Variants in TMEM67 observed in about 807,000 individuals in gnomAD.
TMEM67 encodes transmembrane protein 67.
TMEM67 carries 124 observed loss-of-function variants against 136.6 expected under a neutral mutation model. The ratio of observed to expected loss-of-function variants is 0.91; its 90% CI spans 0.78 to 1.05. The LOEUF (loss-of-function observed/expected upper bound fraction) is 1.05. TMEM67 is among the 50% of genes least tolerant of loss of function. The pLI, the probability that TMEM67 is intolerant of heterozygous loss-of-function variation, is 0.00. For missense variants in TMEM67, 1,107 were observed against 1,178.4 expected (o/e 0.94, Z 0.89); for synonymous variants, 364 against 390.5 (o/e 0.93, Z 0.80).
intron 26 of TMEM67, chr8:93,811,460 A>G (rs754515539): frequency 6.6e-6 from 1 of 152,232 alleles, no homozygotes; most frequent in Non-Finnish European, 1.5e-5. Flanking sequence ...TAAAGAAGGC[A>G]GAGACCAAAT....
intron 4 of TMEM67, among the ~76,000 whole-genome samples, chr8:93,764,566 A>C (rs974792910): frequency 1.3e-5 from 2 of 152,120 alleles, no homozygotes; most frequent in Admixed American, 6.6e-5. Context: ...TAAGCACATT[A>C]TACCAATTTC....
rs777878274 is a variant in TMEM67, at chr8:93,763,846, AAG to A, written c.415_416del (p.Asp139HisfsTer2). On this transcript the variant is annotated frameshift_variant, in exon 4 of 28. Transcript: ENST00000453321. LOFTEE classifies it high-confidence loss of function. ...TTTTGTTTCTAAACTGTTCAGTGGA[AAG>A]AGACATTAATGGAACATTGTTGTCT... is the stretch of plus-strand genomic sequence containing the variant. ...HCPIGHILVE[R>X]DINGTLLSQA... The A allele has an allele frequency of 2.5e-6, 4 of 1,609,756 alleles. No homozygotes were observed. The South Asian group carries it at 4.4e-5, about 18-fold the overall frequency.
intron 24 of TMEM67, 33 bp from the exon 25 acceptor site, chr8:93,809,024 A>G (rs751104460): frequency 2.0e-6 from 3 of 1,537,302 alleles, no homozygotes; most frequent in Non-Finnish European, 2.7e-6. Context: ...CAAGAACATA[A>G]CACTTTGTAT....
intron 14 of TMEM67, 147 bp downstream of exon 14, chr8:93,788,096 T>G (rs1010863081): frequency 3.0e-6 from 2 of 667,976 alleles, no homozygotes; most frequent in African/African-American, 3.7e-5. Flanking sequence ...TTAATTATTC[T>G]TTACTAATAA....
intron 20 of TMEM67, 59 bp from the exon 21 acceptor site, chr8:93,799,559 C>G: frequency 6.4e-7 from 1 of 1,568,332 alleles, no homozygotes; most frequent in South Asian, 1.1e-5. Flanking sequence ...TGTTTTCAGT[C>G]TAGAGTAGTT....
In TMEM67 at chr8:93,801,376, A is replaced by G. The variant is rs1315213122; in HGVS notation, c.2241+1618A>G. Among the ~76,000 whole-genome samples, 6 of 150,784 alleles carry G rather than the reference A, an allele frequency of 4.0e-5. No homozygotes were observed. The East Asian group carries it at 1.2e-3, about 29-fold the overall frequency. ...CAGCCTCCTGATTAGCTGGGACTAC[A>G]GGCACATGCCACCACACCCAGCAAT... On this transcript the variant is annotated intron_variant, in intron 21 of 27. Transcript: ENST00000453321.
intron 6 of TMEM67, 67 bp downstream of exon 6, chr8:93,765,713 TCA>T: frequency 9.5e-7 from 1 of 1,049,458 alleles, no homozygotes; most frequent in African/African-American, 1.6e-5. Flanking sequence ...ATTAGTAATT[TCA>T]GGCTAGAATG....
intron 7 of TMEM67, among the ~76,000 whole-genome samples, chr8:93,774,828 A>G (rs1283430804): frequency 6.6e-6 from 1 of 152,184 alleles, no homozygotes; most frequent in Non-Finnish European, 1.5e-5. Context: ...ATACATGTGC[A>G]TGTGTCTTTA....
rs1812510438 is a variant in TMEM67 at position 93,755,140 on chromosome 8, A to T, written c.223+3A>T. On this transcript the variant is annotated splice_donor_region_variant and intron_variant, in intron 1 of 27. Transcript: ENST00000453321. ...TAACCAGAGGCAAGATGCCCGAGGT[A>T]AGACGGTTTGCGGTGGGCCCTGGCA... is the stretch of plus-strand genomic sequence containing the variant. 6.2e-7 allele frequency: 1 copy of T among 1,613,952 alleles called. No homozygotes were observed.
At chr8:93,793,940 G>A (rs1325915824) in intron 16 of TMEM67, among the ~76,000 whole-genome samples, 1 of 152,070 alleles carries the variant, frequency 6.6e-6, no homozygotes, top group African/African-American at 2.4e-5. Context: ...GCTGAGGCTG[G>A]AGTGCAGAGG....
chr8:93,803,821 G>T (rs1814977326), intron 22 of TMEM67, 137 bp downstream of exon 22: 1 of 655,778 alleles, frequency 1.5e-6, no homozygotes, highest in Non-Finnish European at 2.8e-6. Flanking sequence ...TAATTCCAGA[G>T]ATAATTATAA....
At chr8:93,808,608 A>T (rs1306135343) in intron 23 of TMEM67, among the ~76,000 whole-genome samples, 1 of 64,488 alleles carries the variant, frequency 1.6e-5, no homozygotes, top group East Asian at 3.8e-4. Flanking sequence ...AGCAAAGGAG[A>T]TGATATAAAG....
chr8:93,780,766 A>G lies in TMEM67; in HGVS notation c.869+19A>G, dbSNP rs1370819231. On this transcript the variant is annotated intron_variant, in intron 8 of 27. Transcript: ENST00000453321. ...CATTTTGGTAAGGATATTTTGATTG[A>G]TGAAATGTTATTTTGACTGAATTCA... The G allele has an allele frequency of 1.2e-6, 2 of 1,613,618 alleles. No homozygotes were observed. The highest frequency in any genetic ancestry group is 1.7e-6 in the Non-Finnish European group (2 of 1,179,812).
chr8:93,821,873 G>A (rs1414513705), downstream of TMEM67, among the ~76,000 whole-genome samples: 1 of 152,190 alleles, frequency 6.6e-6, no homozygotes, highest in Non-Finnish European at 1.5e-5. Context: ...GCCTGCCTGG[G>A]TGACACAGTG....
intron 3 of TMEM67, chr8:93,759,231 G>T (rs1812712679): frequency 6.6e-6 from 1 of 152,086 alleles, no homozygotes. Flanking sequence ...GAAGGCTAAG[G>T]CAGGTGTATT....
Position 93,781,584 on chromosome 8 carries a change from A to G in TMEM67, c.979-74A>G, listed in dbSNP as rs1025676507. 14 of 634,700 alleles carry G rather than the reference A, an allele frequency of 2.2e-5. No individual in the cohort carries two copies. The African/African-American group carries it at 2.6e-4, about 12-fold the overall frequency. The allele number at this position is 634,700 out of a possible 1,614,324, so 39.3% of individuals were successfully genotyped here. A position where few individuals can be genotyped will look rare whatever the true frequency, so the allele number is the denominator to read the frequency against. ...TTTCAACAAAAAAGATCAGTCAACA[A>G]TGAAAATTTCTTTATAGGATATTGT... is the stretch of plus-strand genomic sequence containing the variant. On this transcript the variant is annotated intron_variant, in intron 9 of 27. Coordinates refer to ENST00000453321, the MANE Select transcript of TMEM67 (RefSeq NM_153704.6).
At chr8:93,761,965 TC>T (rs1193289412) in intron 3 of TMEM67, 1 of 152,216 alleles carries the variant, frequency 6.6e-6, no homozygotes, top group Non-Finnish European at 1.5e-5. Context: ...TCATTTTAAA[TC>T]TTTTTTTGCT....
At chr8:93,787,784 A>T in intron 13 of TMEM67, 60 bp from the exon 14 acceptor site, 1 of 1,262,926 alleles carries the variant, frequency 7.9e-7, no homozygotes, top group Non-Finnish European at 1.2e-6. Context: ...ATGGTAAGTT[A>T]AATGTATGTT....
intron 1 of TMEM67, 130 bp from the exon 2 acceptor site, chr8:93,755,648 A>C: frequency 4.5e-6 from 3 of 668,632 alleles, no homozygotes; most frequent in Non-Finnish European, 7.7e-6. Flanking sequence ...TACTGCCTCC[A>C]GAATCCTGCT....
Sources: gnomAD v4.1 joint callset for allele counts (sites outside exome capture counted in the v4.1 genomes callset) on GRCh38, gnomAD v4.1.1 for gene constraint, MANE v1.5 for transcripts, NCBI Gene and HGNC (gene_info 2026-07-23, HGNC 2026-07-21) for gene names.